VCL: variants seen among roughly 807,000 people sequenced by gnomAD.
VCL encodes epididymis luminal protein 114.
VCL carries 47 observed loss-of-function variants against 125.7 expected under a neutral mutation model. The ratio of observed to expected loss-of-function variants is 0.37; its 90% CI spans 0.30 to 0.48. VCL has a LOEUF of 0.48. Among genes scored for constraint, VCL ranks in the 20% least tolerant of loss-of-function variants. The probability of loss-of-function intolerance (pLI) is 0.99; values close to 1 mark genes in which losing one functional copy is unlikely to be tolerated. For missense variants in VCL, 1,069 were observed against 1,455.5 expected (o/e 0.73, Z 4.32); for synonymous variants, 458 against 514.6 (o/e 0.89, Z 1.49).
Position 74,095,814 on chromosome 10 carries a change from C to T in VCL, c.1702C>T (p.Gln568Ter). 1.9e-6 allele frequency: 3 copies of T among 1,614,122 alleles called. No individual in the cohort carries two copies. Among genetic ancestry groups the T allele is most frequent in the Non-Finnish European group, 2.5e-6 (3 of 1,180,032 alleles). ...LAARGEGESP[Q>*]ARALASQLQD... Reference sequence around the variant, plus strand: ...TGCCAGAGGGGAAGGGGAGAGTCCTCAGGCACGAGCACTTGCATCTCAGCT... The same window carrying T: ...TGCCAGAGGGGAAGGGGAGAGTCCTTAGGCACGAGCACTTGCATCTCAGCT... The change falls in exon 12 of 22, where the codon CAG becomes TAG. Residue 568 changes from glutamine (Q) to a stop codon, truncating the protein, a stop_gained. Transcript: ENST00000211998. LOFTEE classifies it high-confidence loss of function.
chr10:74,072,656 G>A, intron 4 of VCL, 74 bp from the exon 5 acceptor site: 1 of 1,608,906 alleles, frequency 6.2e-7, no homozygotes, highest in East Asian at 2.2e-5. Context: ...ATTTCATAAT[G>A]GATTTAGACT....
chr10:74,116,727 C>CAA (rs1175283780), intron 21 of VCL, among the ~76,000 whole-genome samples: 2 of 151,190 alleles, frequency 1.3e-5, no homozygotes, highest in African/African-American at 4.9e-5. Flanking sequence ...AAATAAACAA[C>CAA]AACAAAAAAC....
At chr10:74,061,911 T>TTTC (rs1841486253) in intron 2 of VCL, among the ~76,000 whole-genome samples, 1 of 150,558 alleles carries the variant, frequency 6.6e-6, no homozygotes, top group African/African-American at 2.4e-5. Context: ...AATCTACTTT[T>TTTC]TTTTTTTTTT....
At chr10:74,101,862 CTT>C (rs561525230) in intron 14 of VCL, among the ~76,000 whole-genome samples, 35 of 132,878 alleles carry the variant, frequency 2.6e-4, no homozygotes, top group African/African-American at 2.5e-4. Context: ...TTTGGATAAT[CTT>C]TTTTTTTTTT....
rs759103182 is a variant in VCL at position 74,097,218 on chromosome 10, G to A, written c.1758G>A (p.Arg586=). The change falls in exon 13 of 22, where the codon CGG becomes CGA. Residue 586 remains arginine, a synonymous_variant. Coordinates refer to ENST00000211998, the MANE Select transcript of VCL (RefSeq NM_014000.3). The surrounding 1 kb of genome is among the most constrained non-coding windows in gnomAD (Gnocchi z 4.1). The part of the protein sequence containing the change: ...LQDSLKDLKA[R]MQEAMTQEVS... Reference sequence around the variant, plus strand: ...ATGTTTTTAAGGATCTAAAAGCTCGGATGCAGGAGGCCATGACTCAGGAAG... The same window carrying A: ...ATGTTTTTAAGGATCTAAAAGCTCGAATGCAGGAGGCCATGACTCAGGAAG... The A allele has an allele frequency of 6.2e-7, 1 of 1,614,030 alleles. No individual in the cohort carries two copies. The highest frequency in any genetic ancestry group is 1.7e-5 in the Admixed American group (1 of 60,036).
chr10:74,024,858 A>G (rs1840743139), intron 1 of VCL, among the ~76,000 whole-genome samples: 1 of 152,188 alleles, frequency 6.6e-6, no homozygotes, highest in Non-Finnish European at 1.5e-5. Flanking sequence ...GGACAATGGG[A>G]CATCAGTTGG....
At chr10:74,086,584 C>T (rs765941243) in intron 8 of VCL, among the ~76,000 whole-genome samples, 66 of 152,210 alleles carry the variant, frequency 4.3e-4, no homozygotes, top group Non-Finnish European at 6.8e-4. Context: ...AACCTTTTCC[C>T]AGTGTGGTAG....
At chr10:74,009,501 T>C (rs532069025) in intron 1 of VCL, among the ~76,000 whole-genome samples, 6 of 152,034 alleles carry the variant, frequency 3.9e-5, no homozygotes, top group Admixed American at 2.0e-4. Flanking sequence ...CCTCGTGATC[T>C]GCCTGCCTCA....
intron 21 of VCL, 50 bp downstream of exon 21, chr10:74,114,949 T>G (rs747536367): frequency 6.6e-7 from 1 of 1,517,574 alleles, no homozygotes; most frequent in Non-Finnish European, 9.0e-7. Flanking sequence ...TGTGCCGTTT[T>G]GCAGTAATTT....
chr10:74,000,965 C>G (rs1164609545), intron 1 of VCL, among the ~76,000 whole-genome samples: 1 of 152,158 alleles, frequency 6.6e-6, no homozygotes, highest in Non-Finnish European at 1.5e-5. Context: ...AACAAAGGTA[C>G]TTGTGAGTAA....
intron 1 of VCL, among the ~76,000 whole-genome samples, chr10:74,040,431 C>T (rs569474631): frequency 1.3e-5 from 2 of 152,320 alleles, no homozygotes; most frequent in South Asian, 2.1e-4. Context: ...CTGTGTCCCT[C>T]CTTCCCCCCA....
In VCL at chr10:74,072,740, G is replaced by C. The variant is rs1720199861; in HGVS notation, c.510G>C (p.Lys170Asn). ...YTKNLGPGMTKMAKMIDERQQ... is the reference protein window; with the variant it reads ...YTKNLGPGMTNMAKMIDERQQ... The stretch of plus-strand genomic sequence containing the variant: ...TTCTTTGTGCCCCAGGAATGACTAA[G>C]ATGGCCAAGATGATTGACGAGAGAC... Residue 170 changes from lysine (K) to asparagine (N), a missense_variant, in exon 5 of 22, where the codon AAG (lysine) becomes AAC (asparagine). Transcript: ENST00000211998. The C allele has an allele frequency of 6.2e-7, 1 of 1,614,014 alleles. No homozygotes were observed. The highest frequency in any genetic ancestry group is 8.5e-7 in the Non-Finnish European group (1 of 1,179,976).
Position 74,119,981 on chromosome 10 carries a change from T to C in VCL, c.*1812T>C, listed in dbSNP as rs892639264. The C allele has an allele frequency of 3.5e-5, 5 of 141,396 alleles. No homozygotes were observed. The highest frequency in any genetic ancestry group is 7.6e-5 in the Non-Finnish European group (5 of 66,082). The allele number at this position is 141,396 out of a possible 1,614,324, so 8.8% of individuals were successfully genotyped here. ...TTATGCCGGATGTGCTTTTCTCCAA[T>C]ATCAGTGCTCGAGACACAGTGAAGC... On this transcript the variant is annotated 3_prime_UTR_variant, in exon 22 of 22. Transcript: ENST00000211998.
chr10:74,117,096 A>G (rs1326826718), intron 21 of VCL, among the ~76,000 whole-genome samples: 10 of 152,222 alleles, frequency 6.6e-5, no homozygotes, highest in Non-Finnish European at 1.5e-5. Flanking sequence ...TAACGTATTT[A>G]GATTTTCATG....
intron 1 of VCL, among the ~76,000 whole-genome samples, chr10:74,021,126 C>G (rs1565635861): frequency 6.6e-6 from 1 of 152,074 alleles, no homozygotes; most frequent in Non-Finnish European, 1.5e-5. Flanking sequence ...CCCTTCCTCT[C>G]TCATTAGAAT....
At position 74,094,322 on chromosome 10, in the gene VCL, G is replaced by A. The variant is rs772104870; in HGVS notation, c.1404G>A (p.Thr468=). Residue 468 remains threonine, a synonymous_variant, in exon 11 of 22, where the codon ACG becomes ACA. Coordinates refer to ENST00000211998, the MANE Select transcript of VCL (RefSeq NM_014000.3). ...EARALAKQVA[T]ALQNLQTKTN... ...GAGCCTTGGCCAAACAGGTGGCCAC[G>A]GCCCTGCAGAACCTGCAGACCAAAA... The A allele has an allele frequency of 9.9e-6, 16 of 1,614,150 alleles. No homozygotes were observed. In the South Asian group the frequency reaches 1.3e-4, roughly 13 times the overall value.
Position 74,118,245 on chromosome 10 carries a change from C to T in VCL, c.*76C>T. On this transcript the variant is annotated 3_prime_UTR_variant, in exon 22 of 22. Transcript: ENST00000211998. Reference sequence around the variant, plus strand: ...AATGATCTGAGTCCCAGGAGCTGCCCAGAGTTGCTGGGAGCTGAAAAATCA... The same window carrying T: ...AATGATCTGAGTCCCAGGAGCTGCCTAGAGTTGCTGGGAGCTGAAAAATCA... The T allele has an allele frequency of 6.3e-7, 1 of 1,590,198 alleles. No homozygotes were observed. Among genetic ancestry groups the T allele is most frequent in the African/African-American group, 1.3e-5 (1 of 74,498 alleles).
rs2131918422 is a variant in VCL at position 74,097,314 on chromosome 10, T to G, written c.1854T>G (p.Asp618Glu). ...CAGTGGCAGCCACGGCGCCTCCTGATGCGCCTAACAGGGAAGAGGTGGGTA... is the reference window on the plus strand; with the variant it reads ...CAGTGGCAGCCACGGCGCCTCCTGAGGCGCCTAACAGGGAAGAGGTGGGTA... ...LLAVAATAPPDAPNREEVFDE... is the reference protein window; with the variant it reads ...LLAVAATAPPEAPNREEVFDE... Residue 618 changes from aspartate (D) to glutamate (E), a missense_variant, in exon 13 of 22, where the codon GAT becomes GAG. Physicochemically the swap from Asp to Glu is conservative, Grantham distance 45 (BLOSUM62 2). This residue lies in a region of VCL where 760 missense variants were observed against 928.9 expected (regional missense o/e 0.82). Coordinates refer to ENST00000211998, the MANE Select transcript of VCL (RefSeq NM_014000.3). This position sits in a 1 kb window ranked among gnomAD's most constrained non-coding sequence, Gnocchi z 4.1. The G allele has an allele frequency of 6.2e-7, 1 of 1,613,712 alleles. No homozygotes were observed. Among genetic ancestry groups the G allele is most frequent in the Non-Finnish European group, 8.5e-7 (1 of 1,179,870 alleles).
At chr10:74,046,374 C>T (rs986953210) in intron 2 of VCL, among the ~76,000 whole-genome samples, 7 of 152,104 alleles carry the variant, frequency 4.6e-5, no homozygotes, top group Non-Finnish European at 7.4e-5. Context: ...CACCCCGAGT[C>T]GCTGGGACTA....
Sources: allele counts gnomAD v4.1 joint callset (sites outside exome capture counted in the v4.1 genomes callset), GRCh38; gene constraint gnomAD v4.1.1; regional missense constraint gnomAD v4.1.1; non-coding constraint Gnocchi (gnomAD v3.1); transcripts MANE v1.5; gene names NCBI Gene and HGNC (gene_info 2026-07-23, HGNC 2026-07-21).